The following MRPS5 variants were observed in gnomAD, a reference collection of about 807,000 sequenced individuals.
The protein encoded by MRPS5 is mitochondrial ribosomal protein S5, also known as small ribosomal subunit protein uS5m.
Under a neutral mutation model 51.9 loss-of-function variants are expected in MRPS5, and 27 were observed. That is an observed-to-expected ratio of 0.52 (90% confidence interval 0.38 to 0.72). The LOEUF (loss-of-function observed/expected upper bound fraction) is 0.72, where lower values mean the gene tolerates loss of function less well. MRPS5 is among the 30% of genes least tolerant of loss of function. The pLI is 0.00. For synonymous variants in MRPS5, 196 were observed against 193.2 expected (o/e 1.01, Z -0.12); for missense variants, 570 against 545.7 (o/e 1.04, Z -0.44).
In MRPS5 at chr2:95,115,066, A is replaced by G. The variant is rs1473680207; in HGVS notation, c.277T>C (p.Leu93=). ...QYRPYSFFTK[L]TADELWKGAL... Reference sequence around the variant, plus strand: ...GGAAGTTTGTGGCCATTCTACATACATTTAGTGAAGAAACTATATGGTCTA... The same window carrying G: ...GGAAGTTTGTGGCCATTCTACATACGTTTAGTGAAGAAACTATATGGTCTA... Residue 93 remains leucine, a splice_region_variant and synonymous_variant, in exon 3 of 12, where the codon TTG becomes CTG. Coordinates refer to ENST00000272418, the MANE Select transcript of MRPS5 (RefSeq NM_031902.5). The G allele has an allele frequency of 2.6e-6, 4 of 1,547,746 alleles. No homozygotes were observed. The East Asian group carries it at 9.3e-5, about 36-fold the overall frequency.
chr2:95,109,476 A>G (rs1428652225), intron 4 of MRPS5, among the ~76,000 whole-genome samples: 1 of 152,256 alleles, frequency 6.6e-6, no homozygotes, highest in Non-Finnish European at 1.5e-5. Context: ...ATTGTACTGG[A>G]ACATAACGAT....
At chr2:95,107,157 C>T (rs1011112551) in intron 5 of MRPS5, among the ~76,000 whole-genome samples, 5 of 152,314 alleles carry the variant, frequency 3.3e-5, no homozygotes, top group South Asian at 2.1e-4. Context: ...AGCTTCAACA[C>T]GCATCAACTT....
intron 10 of MRPS5, 28 bp downstream of exon 10, chr2:95,100,446 C>A: frequency 1.3e-6 from 2 of 1,526,860 alleles, no homozygotes; most frequent in South Asian, 2.3e-5. Flanking sequence ...GCTTTATCAT[C>A]AACAAATGGT....
Position 95,108,338 on chromosome 2 carries a change from G to A in MRPS5, c.474C>T (p.Ala158=), listed in dbSNP as rs746235750. 1.2e-6 allele frequency: 2 copies of A among 1,614,088 alleles called. No individual in the cohort carries two copies. The highest frequency in any genetic ancestry group is 8.5e-7 in the Non-Finnish European group (1 of 1,180,026). ...TCTCCTGCTCTTCCTTGCTTCTTTGGGCAATGGTCTGCACTGCTCCATTTT... is the reference window on the plus strand; with the variant it reads ...TCTCCTGCTCTTCCTTGCTTCTTTGAGCAATGGTCTGCACTGCTCCATTTT... ...LMKNGAVQTI[A]QRSKEEQEKV... The change falls in exon 5 of 12, where the codon GCC becomes GCT. Residue 158 remains alanine, a synonymous_variant. Coordinates refer to ENST00000272418, the MANE Select transcript of MRPS5 (RefSeq NM_031902.5).
intron 10 of MRPS5, among the ~76,000 whole-genome samples, chr2:95,095,033 A>T (rs1244690737): frequency 6.6e-6 from 1 of 152,222 alleles, no homozygotes; most frequent in Non-Finnish European, 1.5e-5. Context: ...ATGGAGGAAG[A>T]TCTACCAAGC....
intron 1 of MRPS5, among the ~76,000 whole-genome samples, chr2:95,119,234 C>A (rs1400214525): frequency 1.3e-5 from 2 of 152,144 alleles, no homozygotes; most frequent in Admixed American, 1.3e-4. Flanking sequence ...AAAACATATA[C>A]AAATGGCCAT....
rs1160037091 is a variant in MRPS5 at position 95,085,734 on chromosome 2, C to T, written c.*1623G>A. On this transcript the variant is annotated 3_prime_UTR_variant, in exon 12 of 12. Transcript: ENST00000272418. ...GGCAGTGCCCCATCCCATACCAGCACCGTCAGAGGAAGCATGCTGAGAGAT... is the reference window on the plus strand; with the variant it reads ...GGCAGTGCCCCATCCCATACCAGCATCGTCAGAGGAAGCATGCTGAGAGAT... 1.3e-5 allele frequency among the ~76,000 whole-genome samples: 2 copies of T among 152,138 alleles called. No individual in the cohort carries two copies. The highest frequency in any genetic ancestry group is 4.8e-5 in the African/African-American group (2 of 41,410).
intron 3 of MRPS5, among the ~76,000 whole-genome samples, chr2:95,112,435 A>C (rs1276187537): frequency 1.3e-5 from 2 of 152,184 alleles, no homozygotes; most frequent in Non-Finnish European, 2.9e-5. Context: ...TTATACATGG[A>C]GTTATTTCCC....
intron 3 of MRPS5, among the ~76,000 whole-genome samples, chr2:95,112,134 G>A (rs527618865): frequency 2.6e-5 from 4 of 152,006 alleles, no homozygotes; most frequent in South Asian, 4.2e-4. Flanking sequence ...GCACGATCTC[G>A]GCTCACTGCA....
chr2:95,101,825 C>T (rs999288203), intron 7 of MRPS5, 102 bp from the exon 8 acceptor site: 1 of 712,200 alleles, frequency 1.4e-6, no homozygotes, highest in Non-Finnish European at 2.4e-6. Context: ...CACAGCACTT[C>T]ATCTTTCCAC....
intron 8 of MRPS5, 68 bp from the exon 9 acceptor site, chr2:95,100,962 CT>C: frequency 7.5e-7 from 1 of 1,340,956 alleles, no homozygotes. Context: ...TCCAAAAACA[CT>C]TTTAATAAAA....
At chr2:95,106,825 C>T (rs895403237) in intron 5 of MRPS5, 4 of 306,186 alleles carry the variant, frequency 1.3e-5, no homozygotes, top group Admixed American at 4.5e-5. Flanking sequence ...TGCCCTCAAC[C>T]CCTTCACCCT....
chr2:95,107,060 C>T (rs1222110970), intron 5 of MRPS5, among the ~76,000 whole-genome samples: 2 of 152,098 alleles, frequency 1.3e-5, no homozygotes, highest in Non-Finnish European at 2.9e-5. Flanking sequence ...AGACTCCCTA[C>T]GTTCTTTTAT....
intron 10 of MRPS5, among the ~76,000 whole-genome samples, chr2:95,099,578 C>T (rs1675737680): frequency 3.3e-5 from 5 of 152,150 alleles, no homozygotes; most frequent in Admixed American, 1.3e-4. Context: ...GCTCAATAGC[C>T]AGGCCCGCTA....
intron 4 of MRPS5, among the ~76,000 whole-genome samples, chr2:95,109,245 T>C (rs1363142060): frequency 1.3e-5 from 2 of 152,160 alleles, no homozygotes; most frequent in Non-Finnish European, 1.5e-5. Context: ...CAAGTAGACA[T>C]GCGATGCTGG....
chr2:95,086,148 G>A lies in MRPS5; in HGVS notation c.*1209C>T, dbSNP rs755417001. On this transcript the variant is annotated 3_prime_UTR_variant, in exon 12 of 12. Coordinates refer to ENST00000272418, the MANE Select transcript of MRPS5 (RefSeq NM_031902.5). ...TTGCCTAGGCTGATCTCAAACTCCT[G>A]GGCTGAAGCAATCCTCCTGCCTCAC... is the stretch of plus-strand genomic sequence containing the variant. 5.3e-5 allele frequency among the ~76,000 whole-genome samples: 8 copies of A among 152,044 alleles called. No homozygotes were observed. Among genetic ancestry groups the A allele is most frequent in the Non-Finnish European group, 1.2e-4 (8 of 68,012 alleles).
rs1675807336 is a variant in MRPS5, at chr2:95,101,692, C to A, written c.795G>T (p.Met265Ile). ...GFSIGKATDR[M>I]DAFRKAKNRA... ...ATGTACATACTTTCCTGAAAGCATC[C>A]ATCCGATCAGTAGCTTTCCCAATAG... is the stretch of plus-strand genomic sequence containing the variant. Residue 265 changes from methionine (M) to isoleucine (I), a missense_variant, in exon 8 of 12, where the codon ATG becomes ATT. By Grantham distance (10) the Met-to-Ile change is conservative (BLOSUM62 1). Coordinates refer to ENST00000272418, the MANE Select transcript of MRPS5 (RefSeq NM_031902.5). 8.8e-6 allele frequency: 14 copies of A among 1,599,940 alleles called. No homozygotes were observed. The highest frequency in any genetic ancestry group is 1.2e-5 in the Non-Finnish European group (14 of 1,176,418).
intron 10 of MRPS5, among the ~76,000 whole-genome samples, chr2:95,097,260 C>T (rs1675654766): frequency 6.6e-6 from 1 of 152,180 alleles, no homozygotes; most frequent in South Asian, 2.1e-4. Context: ...AATGGCCATG[C>T]TGCCCAAGGT....
chr2:95,088,990 C>A (rs927791826), intron 11 of MRPS5, among the ~76,000 whole-genome samples: 36 of 152,166 alleles, frequency 2.4e-4, no homozygotes, highest in African/African-American at 8.7e-4. Flanking sequence ...TCGCTTGAAC[C>A]CGTGAGGCGG....
Sources: gnomAD v4.1 joint callset for allele counts (sites outside exome capture counted in the v4.1 genomes callset) on GRCh38, gnomAD v4.1.1 for gene constraint, MANE v1.5 for transcripts, NCBI Gene and HGNC (gene_info 2026-07-23, HGNC 2026-07-21) for gene names.